ATP2A2: variants seen among roughly 807,000 people sequenced by gnomAD.
ATP2A2 encodes the protein sarcoplasmic/endoplasmic reticulum calcium ATPase 2.
A neutral mutation model predicts 109.3 loss-of-function variants in ATP2A2; 14 were observed. That is an observed-to-expected ratio of 0.13 (90% CI 0.08 to 0.20). The LOEUF (loss-of-function observed/expected upper bound fraction) is 0.20. Ranked by LOEUF, ATP2A2 falls within the 10% of genes least tolerant of loss-of-function variation. ATP2A2 has a pLI of 1.00. For synonymous variants in ATP2A2, 506 were observed against 490.9 expected (o/e 1.03, Z -0.41); for missense variants, 657 against 1,321.6 (o/e 0.50, Z 7.80).
intron 14 of ATP2A2, among the ~76,000 whole-genome samples, chr12:110,341,614 C>G (rs1879360600): frequency 6.6e-6 from 1 of 151,980 alleles, no homozygotes; most frequent in Admixed American, 6.5e-5. Context: ...TGGCTCATGC[C>G]TGTAACCCCA....
intron 9 of ATP2A2, 146 bp downstream of exon 9, chr12:110,332,831 C>A (rs935494843): frequency 2.4e-5 from 20 of 833,186 alleles, no homozygotes; most frequent in Non-Finnish European, 3.7e-5. Flanking sequence ...GTTTTTAAAA[C>A]AAAAACTTTG....
chr12:110,310,264 G>A (rs1875876923), intron 5 of ATP2A2, among the ~76,000 whole-genome samples: 1 of 151,892 alleles, frequency 6.6e-6, no homozygotes, highest in Non-Finnish European at 1.5e-5. Context: ...TGGGATTACA[G>A]GCATGAACCA....
At chr12:110,301,244 G>A (rs1488198079) in intron 5 of ATP2A2, among the ~76,000 whole-genome samples, 1 of 152,130 alleles carries the variant, frequency 6.6e-6, no homozygotes, top group Admixed American at 6.5e-5. Context: ...TCCTTAGTTT[G>A]CATCAGTAGA....
At position 110,347,326 on chromosome 12, in the gene ATP2A2, A is replaced by ACTGT. The variant is rs1879973448; in HGVS notation, c.*859_*862dup. 15 of 1,275,706 alleles carry ACTGT rather than the reference A, an allele frequency of 1.2e-5. No homozygotes were observed. In the South Asian group the frequency reaches 1.8e-4, roughly 15 times the overall value. 79.0% of individuals were successfully genotyped at this position (1,275,706 alleles called of 1,614,324 possible). A position where few individuals can be genotyped will look rare whatever the true frequency, so the allele number is the denominator to read the frequency against. Reference sequence around the variant, plus strand: ...CATTTTAAATGGACAGAGAAAAATAACTGTCTTGTCTTTAACTCGTAAGTG... The same window carrying ACTGT: ...CATTTTAAATGGACAGAGAAAAATAACTGTCTGTCTTGTCTTTAACTCGTAAGTG... On this transcript the variant is annotated 3_prime_UTR_variant, in exon 20 of 20. Transcript: ENST00000539276.
Position 110,348,024 on chromosome 12 carries a change from T to TG in ATP2A2, c.*1555dup. On this transcript the variant is annotated 3_prime_UTR_variant, in exon 20 of 20. Transcript: ENST00000539276. ...CCTCCACAGGCTGCCTAGGACAAGATGACCAGGAGGGCCCAAGCCAGACAA... is the reference window on the plus strand; with the variant it reads ...CCTCCACAGGCTGCCTAGGACAAGATGGACCAGGAGGGCCCAAGCCAGACAA... 1 of 987,020 alleles carries TG rather than the reference T, an allele frequency of 1.0e-6. No homozygotes were observed. Among genetic ancestry groups the TG allele is most frequent in the Non-Finnish European group, 1.2e-6 (1 of 831,060 alleles). 61.1% of individuals were successfully genotyped at this position (987,020 alleles called of 1,614,324 possible). A position where few individuals can be genotyped will look rare whatever the true frequency, so the allele number is the denominator to read the frequency against.
chr12:110,289,462 T>C (rs1298579433), intron 3 of ATP2A2, among the ~76,000 whole-genome samples: 4 of 152,154 alleles, frequency 2.6e-5, no homozygotes, highest in African/African-American at 9.7e-5. Context: ...TACAGTAACA[T>C]TTATTATACT....
intron 3 of ATP2A2, among the ~76,000 whole-genome samples, chr12:110,287,618 C>T (rs956623677): frequency 6.6e-6 from 1 of 151,964 alleles, no homozygotes; most frequent in Non-Finnish European, 1.5e-5. Context: ...GTTACCTTTT[C>T]GCTGTCTTTT....
Position 110,332,463 on chromosome 12 carries a change from G to GTGAGT in ATP2A2, c.1096-132_1096-128dup, listed in dbSNP as rs1278453364. 6 of 786,864 alleles carry GTGAGT rather than the reference G, an allele frequency of 7.6e-6. No homozygotes were observed. The Admixed American group carries it at 1.1e-4, about 14-fold the overall frequency. The allele number at this position is 786,864 out of a possible 1,614,324, so 48.7% of individuals were successfully genotyped here. A position where few individuals can be genotyped will look rare whatever the true frequency, so the allele number is the denominator to read the frequency against. ...TACTGCTGATGCTGAGTGAGCCTCA[G>GTGAGT]TGAGTTTTATTAAAGTTGTTTTCGT... On this transcript the variant is annotated intron_variant, in intron 8 of 19. Transcript: ENST00000539276.
intron 5 of ATP2A2, among the ~76,000 whole-genome samples, chr12:110,300,594 C>T (rs565691038): frequency 6.6e-6 from 1 of 151,606 alleles, no homozygotes; most frequent in Admixed American, 6.6e-5. Context: ...CCCGCCTCAG[C>T]CTCCCAAAGT....
chr12:110,293,864 GTATA>G (rs1566204008), intron 4 of ATP2A2, among the ~76,000 whole-genome samples: 1 of 84,890 alleles, frequency 1.2e-5, no homozygotes, highest in East Asian at 2.5e-4. Context: ...GTGTGTGTGT[GTATA>G]TATTTTTTTT....
rs1185457428 is a variant in ATP2A2, at chr12:110,299,659, G to T, written c.463+2922G>T. Among the ~76,000 whole-genome samples, 5 of 151,942 alleles carry T rather than the reference G, an allele frequency of 3.3e-5. No individual in the cohort carries two copies. The East Asian group carries it at 9.7e-4, about 29-fold the overall frequency. On this transcript the variant is annotated intron_variant, in intron 5 of 19. Coordinates refer to ENST00000539276, the MANE Select transcript of ATP2A2 (RefSeq NM_170665.4). ...TTTGAGATGGAGTTTCGCTCTTGTT[G>T]CCCAGGCTGGAGTGCAATGGCACCA...
rs540330676 is a variant in ATP2A2 at position 110,324,795 on chromosome 12, T to C, written c.545-1595T>C. On this transcript the variant is annotated intron_variant, in intron 6 of 19. Transcript: ENST00000539276. ...GTAGGATCACTTGTGGCCAAGAGTTTGAGAGAGCAGTTATAGTCTCTATAA... is the reference window on the plus strand; with the variant it reads ...GTAGGATCACTTGTGGCCAAGAGTTCGAGAGAGCAGTTATAGTCTCTATAA... Among the ~76,000 whole-genome samples, 7 of 152,038 alleles carry C rather than the reference T, an allele frequency of 4.6e-5. No individual in the cohort carries two copies. The East Asian group carries it at 1.4e-3, about 29-fold the overall frequency.
At chr12:110,333,957 A>G in intron 10 of ATP2A2, 55 bp from the exon 11 acceptor site, 4 of 1,610,876 alleles carry the variant, frequency 2.5e-6, no homozygotes, top group South Asian at 2.2e-5. Context: ...TTAAAGATAA[A>G]TTTATCTGTG....
chr12:110,294,384 G>T (rs1380151167), intron 4 of ATP2A2, among the ~76,000 whole-genome samples: 1 of 152,132 alleles, frequency 6.6e-6, no homozygotes. Flanking sequence ...TTTGGTCAGG[G>T]CATGGTAGCT....
chr12:110,313,863 A>T lies in ATP2A2; in HGVS notation c.464-9129A>T, dbSNP rs544206975. On this transcript the variant is annotated intron_variant, in intron 5 of 19. Coordinates refer to ENST00000539276, the MANE Select transcript of ATP2A2 (RefSeq NM_170665.4). ...TTAGCTGGAATTACAGGTGTGCACC[A>T]CCCCACCTGGCTATTTTGTATTTTT... 5.4e-5 allele frequency among the ~76,000 whole-genome samples: 8 copies of T among 147,634 alleles called. No individual in the cohort carries two copies. The South Asian group carries it at 1.7e-3, about 32-fold the overall frequency.
At chr12:110,333,138 T>A in intron 9 of ATP2A2, 43 bp from the exon 10 acceptor site, 1 of 1,528,072 alleles carries the variant, frequency 6.5e-7, no homozygotes, top group South Asian at 1.1e-5. Flanking sequence ...GAATCAATAG[T>A]GGCGACCATA....
intron 11 of ATP2A2, among the ~76,000 whole-genome samples, chr12:110,336,240 C>T (rs764933450): frequency 1.3e-5 from 2 of 152,060 alleles, no homozygotes; most frequent in African/African-American, 4.8e-5. Flanking sequence ...GAATAAGGAG[C>T]GATGGGAAGG....
chr12:110,331,977 A>G (rs1455713556), intron 8 of ATP2A2: 1 of 155,334 alleles, frequency 6.4e-6, no homozygotes. Context: ...TCTAGGGAAC[A>G]TCAATTCATT....
At chr12:110,336,934 CTG>C (rs1370804575) in intron 11 of ATP2A2, among the ~76,000 whole-genome samples, 2 of 152,200 alleles carry the variant, frequency 1.3e-5, no homozygotes, top group East Asian at 1.9e-4. Flanking sequence ...AACTAAAAAT[CTG>C]AGGCAGCCTG....
Sources: gnomAD v4.1 joint callset for allele counts (sites outside exome capture counted in the v4.1 genomes callset) on GRCh38, gnomAD v4.1.1 for gene constraint, MANE v1.5 for transcripts, NCBI Gene and HGNC (gene_info 2026-07-23, HGNC 2026-07-21) for gene names.